Variants in FNIP1 observed in about 807,000 individuals in gnomAD.
FNIP1 encodes the protein folliculin interacting protein 1.
In FNIP1, 40 loss-of-function variants were observed where a neutral mutation model predicts 124.5. That is an observed-to-expected ratio of 0.32 (90% CI 0.25 to 0.42). The LOEUF (loss-of-function observed/expected upper bound fraction) is 0.42, where lower values mean the gene tolerates loss of function less well. FNIP1 is among the 10% of genes least tolerant of loss of function. The pLI, the probability that FNIP1 is intolerant of heterozygous loss-of-function variation, is 1.00. For missense variants in FNIP1, 1,176 were observed against 1,403.7 expected, an observed-to-expected ratio of 0.84 and a Z score of 2.59; for synonymous variants, 472 against 470.6, an observed-to-expected ratio of 1.00 and a Z score of -0.04.
intron 10 of FNIP1, 54 bp from the exon 11 acceptor site, chr5:131,699,056 T>C (rs759067787): frequency 8.3e-6 from 12 of 1,452,606 alleles, no homozygotes; most frequent in Admixed American, 2.1e-5. Context: ...GAGCAAAACA[T>C]GGAAAAAAGT....
intron 1 of FNIP1, among the ~76,000 whole-genome samples, chr5:131,751,831 C>T (rs751349605): frequency 9.2e-5 from 14 of 152,068 alleles, no homozygotes; most frequent in Admixed American, 4.6e-4. Flanking sequence ...GCAATGTGTA[C>T]GAGGTTTCTT....
chr5:131,689,028 C>CTA (rs1044804726), intron 11 of FNIP1, among the ~76,000 whole-genome samples: 1 of 151,662 alleles, frequency 6.6e-6, no homozygotes, highest in Non-Finnish European at 1.5e-5. Context: ...AAATCTACTC[C>CTA]TATATATATC....
intron 8 of FNIP1, among the ~76,000 whole-genome samples, chr5:131,707,769 AAAAAG>A (rs1470266188): frequency 1.3e-5 from 2 of 152,358 alleles, no homozygotes; most frequent in African/African-American, 4.8e-5. Flanking sequence ...CTATTAGAAA[AAAAAG>A]AAAACACACA....
chr5:131,738,303 G>T (rs1770385721), intron 2 of FNIP1, among the ~76,000 whole-genome samples: 1 of 152,042 alleles, frequency 6.6e-6, no homozygotes. Flanking sequence ...CTACTGAGTG[G>T]TTCTTGATTT....
At chr5:131,757,399 G>A (rs1050654450) in intron 1 of FNIP1, among the ~76,000 whole-genome samples, 6 of 152,212 alleles carry the variant, frequency 3.9e-5, no homozygotes, top group African/African-American at 1.4e-4. Flanking sequence ...CAGAGTTCTT[G>A]ATGAACAGTG....
At chr5:131,713,500 C>CTGG (rs1379563914) in intron 6 of FNIP1, among the ~76,000 whole-genome samples, 1 of 152,182 alleles carries the variant, frequency 6.6e-6, no homozygotes, top group African/African-American at 2.4e-5. Context: ...ATACAACTAA[C>CTGG]TGGTCAACTT....
chr5:131,670,327 C>T, intron 15 of FNIP1, 136 bp downstream of exon 15: 2 of 662,792 alleles, frequency 3.0e-6, no homozygotes. Context: ...GATACGGGCA[C>T]TGAATATAAA....
intron 1 of FNIP1, among the ~76,000 whole-genome samples, chr5:131,772,565 T>G (rs770087548): frequency 3.9e-4 from 59 of 152,174 alleles, no homozygotes; most frequent in Non-Finnish European, 5.9e-4. Flanking sequence ...ACAACTAAAT[T>G]TCTCTATCTT....
At chr5:131,720,155 T>C (rs147201639) in intron 3 of FNIP1, among the ~76,000 whole-genome samples, 30 of 152,268 alleles carry the variant, frequency 2.0e-4, no homozygotes, top group African/African-American at 6.3e-4. Flanking sequence ...GACAGACATA[T>C]AGACCAATGG....
intron 11 of FNIP1, among the ~76,000 whole-genome samples, chr5:131,686,052 C>A (rs939551373): frequency 1.3e-5 from 2 of 152,130 alleles, no homozygotes; most frequent in African/African-American, 4.8e-5. Context: ...TGTCATAAAC[C>A]ATTAGGGATA....
At chr5:131,795,495 A>G (rs1032551252) in intron 1 of FNIP1, 1 of 152,194 alleles carries the variant, frequency 6.6e-6, no homozygotes, top group African/African-American at 2.4e-5. Context: ...ATCCTATCGG[A>G]ACCTGTTTCC....
chr5:131,747,256 G>A (rs1253836845), intron 1 of FNIP1, among the ~76,000 whole-genome samples: 1 of 152,162 alleles, frequency 6.6e-6, no homozygotes. Flanking sequence ...TTCCTTAAGA[G>A]AGCCTTAACC....
At chr5:131,656,751 C>G (rs374572729) in intron 15 of FNIP1, among the ~76,000 whole-genome samples, 16 of 152,066 alleles carry the variant, frequency 1.1e-4, no homozygotes, top group African/African-American at 3.9e-4. Flanking sequence ...ATGAAAGAAT[C>G]CTATTATGGA....
At chr5:131,724,480 T>C (rs1338271340) in intron 3 of FNIP1, among the ~76,000 whole-genome samples, 1 of 152,210 alleles carries the variant, frequency 6.6e-6, no homozygotes, top group Non-Finnish European at 1.5e-5. Context: ...AGCTTTTTTT[T>C]CATGTTTGTT....
At chr5:131,646,834 G>A (rs1766897524) in intron 17 of FNIP1, among the ~76,000 whole-genome samples, 1 of 152,146 alleles carries the variant, frequency 6.6e-6, no homozygotes, top group Non-Finnish European at 1.5e-5. Context: ...ATGTTTCTGA[G>A]ACAAAAATTC....
intron 3 of FNIP1, among the ~76,000 whole-genome samples, chr5:131,724,860 C>A (rs1357929030): frequency 6.6e-6 from 1 of 152,142 alleles, no homozygotes; most frequent in Admixed American, 6.5e-5. Flanking sequence ...TTTAATCCAT[C>A]TTGAATTGAT....
At chr5:131,779,402 G>A (rs752911710) in intron 1 of FNIP1, among the ~76,000 whole-genome samples, 7 of 151,984 alleles carry the variant, frequency 4.6e-5, no homozygotes, top group Middle Eastern at 3.2e-3. Context: ...AGATGTGGCC[G>A]GGCATGGTGG....
chr5:131,731,636 T>C (rs1770096389), intron 2 of FNIP1, among the ~76,000 whole-genome samples: 1 of 148,744 alleles, frequency 6.7e-6, no homozygotes, highest in South Asian at 2.1e-4. Flanking sequence ...AGTGAGACTC[T>C]GTTTCAAAAA....
At chr5:131,786,277 A>C (rs1214828787) in intron 1 of FNIP1, among the ~76,000 whole-genome samples, 1 of 152,212 alleles carries the variant, frequency 6.6e-6, no homozygotes, top group Non-Finnish European at 1.5e-5. Flanking sequence ...TACAGCACTA[A>C]GTTAGACAAA....
Sources: allele counts gnomAD v4.1 joint callset (sites outside exome capture counted in the v4.1 genomes callset), GRCh38; gene constraint gnomAD v4.1.1; transcripts MANE v1.5; gene names NCBI Gene and HGNC (gene_info 2026-07-23, HGNC 2026-07-21).